The following TRHR variants were observed in gnomAD, a reference collection of about 807,000 sequenced individuals.
TRHR encodes thyrotropin releasing hormone receptor.
A neutral mutation model predicts 28.0 loss-of-function variants in TRHR; 14 were observed. The ratio of observed to expected loss-of-function variants is 0.50; its 90% CI spans 0.33 to 0.78. The LOEUF is 0.78. Among genes scored for constraint, TRHR ranks in the 30% least tolerant of loss-of-function variants. The pLI, the probability that TRHR is intolerant of heterozygous loss-of-function variation, is 0.02. For synonymous variants in TRHR, 176 were observed against 171.9 expected (o/e 1.02, Z -0.18); for missense variants, 438 against 469.5 (o/e 0.93, Z 0.62).
chr8:109,107,135 A>C (rs1401780066), intron 2 of TRHR, among the ~76,000 whole-genome samples: 3 of 152,202 alleles, frequency 2.0e-5, no homozygotes, highest in Admixed American at 1.3e-4. Flanking sequence ...ATAAAAGTTA[A>C]ATAATTCAAT....
chr8:109,115,533 G>GT (rs1811907833), intron 2 of TRHR, among the ~76,000 whole-genome samples: 1 of 152,110 alleles, frequency 6.6e-6, no homozygotes, highest in Admixed American at 6.6e-5. Flanking sequence ...CACATCCCTT[G>GT]TAAGTTGGAT....
At chr8:109,089,900 G>T (rs750176663) in intron 2 of TRHR, among the ~76,000 whole-genome samples, 1 of 152,178 alleles carries the variant, frequency 6.6e-6, no homozygotes, top group Admixed American at 6.5e-5. Flanking sequence ...TTTAAAACTT[G>T]TTTGTCTTGT....
chr8:109,112,545 G>A (rs1054959138), intron 2 of TRHR, among the ~76,000 whole-genome samples: 2 of 152,050 alleles, frequency 1.3e-5, no homozygotes, highest in African/African-American at 4.8e-5. Context: ...AGATGAGTAT[G>A]AAGGAGTTCT....
chr8:109,106,495 C>T (rs1025665173), intron 2 of TRHR, among the ~76,000 whole-genome samples: 11 of 152,094 alleles, frequency 7.2e-5, no homozygotes, highest in African/African-American at 2.7e-4. Flanking sequence ...AACAATATAG[C>T]CAATAATTCT....
intron 2 of TRHR, among the ~76,000 whole-genome samples, chr8:109,092,601 T>G (rs1811532669): frequency 6.6e-6 from 1 of 151,938 alleles, no homozygotes; most frequent in African/African-American, 2.4e-5. Flanking sequence ...CACACCTGGC[T>G]AATTTTTTTC....
chr8:109,089,790 C>T (rs1811495213), intron 2 of TRHR, among the ~76,000 whole-genome samples: 1 of 152,136 alleles, frequency 6.6e-6, no homozygotes, highest in African/African-American at 2.4e-5. Context: ...AGAATATGTA[C>T]ATCTCAATTA....
In TRHR at chr8:109,121,093, T is replaced by G. The variant is rs2129947176; in HGVS notation, c.*1638T>G. On this transcript the variant is annotated 3_prime_UTR_variant, in exon 3 of 3. Transcript: ENST00000518632. Reference sequence around the variant, plus strand: ...CATTCTAGAGTGCGCTTTTTTTTTTTTGAAAATTGGCCTTATCTACTCCAG... The same window carrying G: ...CATTCTAGAGTGCGCTTTTTTTTTTGTGAAAATTGGCCTTATCTACTCCAG... 6.6e-6 allele frequency among the ~76,000 whole-genome samples: 1 copy of G among 151,230 alleles called. No homozygotes were observed. The highest frequency in any genetic ancestry group is 2.1e-4 in the South Asian group (1 of 4,774).
chr8:109,121,307 C>A lies in TRHR; in HGVS notation c.*1852C>A, dbSNP rs1379459314. Among the ~76,000 whole-genome samples the A allele has an allele frequency of 6.6e-6, 1 of 151,526 alleles. No individual in the cohort carries two copies. The highest frequency in any genetic ancestry group is 1.9e-4 in the East Asian group (1 of 5,136). On this transcript the variant is annotated 3_prime_UTR_variant, in exon 3 of 3. Transcript: ENST00000518632. Reference sequence around the variant, plus strand: ...GTGACCCAACCCCAAATCACACAAGCACATGTGTGTTTATAAACACATACC... The same window carrying A: ...GTGACCCAACCCCAAATCACACAAGAACATGTGTGTTTATAAACACATACC...
intron 2 of TRHR, among the ~76,000 whole-genome samples, chr8:109,109,204 C>T (rs778716946): frequency 1.3e-5 from 2 of 152,056 alleles, no homozygotes; most frequent in African/African-American, 2.4e-5. Flanking sequence ...CCACCAATTC[C>T]GACCTTTAAG....
chr8:109,108,758 T>C (rs979328920), intron 2 of TRHR, among the ~76,000 whole-genome samples: 1 of 152,192 alleles, frequency 6.6e-6, no homozygotes, highest in South Asian at 2.1e-4. Context: ...CATTTTATTT[T>C]CTAAATTTAG....
Position 109,087,924 on chromosome 8 carries a change from A to G in TRHR, c.412A>G (p.Thr138Ala). ...CCCCATCAAAGCCCAGTTTCTCTGC[A>G]CATTTTCCAGAGCCAAAAAGATTAT... is the stretch of plus-strand genomic sequence containing the variant. ...CHPIKAQFLC[T>A]FSRAKKIIIF... Residue 138 changes from threonine to alanine, a missense_variant, in exon 2 of 3, where the codon ACA becomes GCA. Coordinates refer to ENST00000518632, the MANE Select transcript of TRHR (RefSeq NM_003301.7). The G allele has an allele frequency of 1.2e-6, 2 of 1,614,210 alleles. No homozygotes were observed. Among genetic ancestry groups the G allele is most frequent in the South Asian group, 1.1e-5 (1 of 91,088 alleles).
At chr8:109,091,273 A>T (rs1209834560) in intron 2 of TRHR, among the ~76,000 whole-genome samples, 1 of 152,204 alleles carries the variant, frequency 6.6e-6, no homozygotes, top group Non-Finnish European at 1.5e-5. Context: ...GACATAAAGG[A>T]TGAAGAAAGG....
At chr8:109,109,739 C>T (rs972693388) in intron 2 of TRHR, among the ~76,000 whole-genome samples, 3 of 152,136 alleles carry the variant, frequency 2.0e-5, no homozygotes, top group African/African-American at 7.2e-5. Flanking sequence ...GCATTGAACC[C>T]CAGTTCCACT....
At chr8:109,114,642 C>G (rs962013348) in intron 2 of TRHR, among the ~76,000 whole-genome samples, 3 of 152,014 alleles carry the variant, frequency 2.0e-5, no homozygotes, top group African/African-American at 7.2e-5. Flanking sequence ...CCATGATATA[C>G]CCACTGTTAC....
intron 2 of TRHR, among the ~76,000 whole-genome samples, chr8:109,107,551 T>C (rs1811770120): frequency 6.6e-6 from 1 of 152,212 alleles, no homozygotes; most frequent in Non-Finnish European, 1.5e-5. Context: ...GAGACTCTGA[T>C]GCAGTAATAA....
rs775092710 is a variant in TRHR at position 109,088,100 on chromosome 8, T to G, written c.588T>G (p.Phe196Leu). 6.2e-7 allele frequency: 1 copy of G among 1,614,178 alleles called. No homozygotes were observed. Reference sequence around the variant, plus strand: ...ACTCACCTATTTACCTAATGGACTTTGGTGTCTTTTATGTTGTGCCAATGA... The same window carrying G: ...ACTCACCTATTTACCTAATGGACTTGGGTGTCTTTTATGTTGTGCCAATGA... ...NYYSPIYLMD[F>L]GVFYVVPMIL... The change falls in exon 2 of 3, where the codon TTT becomes TTG. Residue 196 changes from phenylalanine to leucine, a missense_variant. Coordinates refer to ENST00000518632, the MANE Select transcript of TRHR (RefSeq NM_003301.7).
Position 109,087,405 on chromosome 8 carries a change from T to A in TRHR, c.-88-20T>A. The A allele has an allele frequency of 8.6e-7, 1 of 1,166,792 alleles. No homozygotes were observed. Among genetic ancestry groups the A allele is most frequent in the Non-Finnish European group, 1.2e-6 (1 of 800,862 alleles). The allele number at this position is 1,166,792 out of a possible 1,614,324, so 72.3% of individuals were successfully genotyped here. A position where few individuals can be genotyped will look rare whatever the true frequency, so the allele number is the denominator to read the frequency against. On this transcript the variant is annotated intron_variant, in intron 1 of 2. Transcript: ENST00000518632. ...GAAATTGTAACACTGTTAATGAATA[T>A]GTACTATGACCCTTCACAGGGGGAT...
At chr8:109,099,493 A>G (rs1394783616) in intron 2 of TRHR, among the ~76,000 whole-genome samples, 2 of 152,248 alleles carry the variant, frequency 1.3e-5, no homozygotes, top group Non-Finnish European at 2.9e-5. Context: ...TTAAAAGAAT[A>G]AATTAAAAGA....
intron 2 of TRHR, among the ~76,000 whole-genome samples, chr8:109,090,951 G>A (rs1340240074): frequency 6.6e-6 from 1 of 151,726 alleles, no homozygotes; most frequent in African/African-American, 2.4e-5. Flanking sequence ...GAGACAGAGA[G>A]ACAGAGAAGG....
Sources: allele counts gnomAD v4.1 joint callset (sites outside exome capture counted in the v4.1 genomes callset), GRCh38; gene constraint gnomAD v4.1.1; transcripts MANE v1.5; gene names NCBI Gene and HGNC (gene_info 2026-07-23, HGNC 2026-07-21).